The following SIPA1L1 variants were observed in gnomAD, a reference collection of about 807,000 sequenced individuals.
The protein encoded by SIPA1L1 is signal induced proliferation associated 1 like 1.
A neutral mutation model predicts 162.7 loss-of-function variants in SIPA1L1; 26 were observed. The observed-to-expected ratio is 0.16, with a 90% CI of 0.12 to 0.22. SIPA1L1 has a LOEUF of 0.22. Among genes scored for constraint, SIPA1L1 ranks in the 10% least tolerant of loss-of-function variants. The pLI, the probability that SIPA1L1 is intolerant of heterozygous loss-of-function variation, is 1.00. For missense variants in SIPA1L1, 1,874 were observed against 2,241.0 expected, an observed-to-expected ratio of 0.84 and a Z score of 3.31; for synonymous variants, 829 against 837.4, an observed-to-expected ratio of 0.99 and a Z score of 0.17.
chr14:71,735,580 G>A (rs921288630), intron 22 of SIPA1L1, 189 bp downstream of exon 22: 15 of 514,824 alleles, frequency 2.9e-5, no homozygotes, highest in African/African-American at 2.9e-4. Context: ...AACTATTCTT[G>A]ATGACTTATA....
At chr14:71,441,678 C>T (rs138616956) in intron 2 of SIPA1L1, among the ~76,000 whole-genome samples, 7 of 152,174 alleles carry the variant, frequency 4.6e-5, no homozygotes, top group Non-Finnish European at 1.0e-4. Flanking sequence ...GGATAAATCT[C>T]GGGTAATTGT....
intron 2 of SIPA1L1, among the ~76,000 whole-genome samples, chr14:71,324,912 C>T (rs750658302): frequency 2.6e-5 from 4 of 152,022 alleles, no homozygotes; most frequent in Non-Finnish European, 5.9e-5. Flanking sequence ...AAAACAGGAA[C>T]GTGTAGGAGC....
chr14:71,393,142 A>G (rs1301589756), intron 2 of SIPA1L1, among the ~76,000 whole-genome samples: 5 of 152,198 alleles, frequency 3.3e-5, no homozygotes, highest in African/African-American at 7.2e-5. Context: ...TAGGATATCG[A>G]TATATGGAGG....
chr14:71,469,367 G>GT (rs2047270443), intron 2 of SIPA1L1, among the ~76,000 whole-genome samples: 1 of 152,192 alleles, frequency 6.6e-6, no homozygotes, highest in South Asian at 2.1e-4. Context: ...GGGCAACACT[G>GT]TTTTCCTTGC....
rs1217427539 is a variant in SIPA1L1, at chr14:71,440,243, TCTTGAA to T, written c.-464-72497_-464-72492del. Among the ~76,000 whole-genome samples the T allele has an allele frequency of 2.0e-5, 3 of 152,024 alleles. No homozygotes were observed. In the East Asian group the frequency reaches 5.8e-4, roughly 29 times the overall value. ...GGTTTCACCATGTTGCCCAGGCTGG[TCTTGAA>T]CTCCTGAGCTCAGGCAGTCTGCCTG... is the stretch of plus-strand genomic sequence containing the variant. On this transcript the variant is annotated intron_variant, in intron 2 of 23. Transcript: ENST00000381232.
At chr14:71,326,135 C>G (rs1480499482) in intron 2 of SIPA1L1, among the ~76,000 whole-genome samples, 1 of 151,644 alleles carries the variant, frequency 6.6e-6, no homozygotes, top group Non-Finnish European at 1.5e-5. Flanking sequence ...TCTCTTTCTA[C>G]TTTTTCCACA....
At chr14:71,632,747 G>A (rs1567355787) in intron 7 of SIPA1L1, among the ~76,000 whole-genome samples, 1 of 152,194 alleles carries the variant, frequency 6.6e-6, no homozygotes, top group Non-Finnish European at 1.5e-5. Flanking sequence ...AGACTCAGCA[G>A]GGAGCTGGAA....
chr14:71,609,741 A>G (rs185192290), intron 5 of SIPA1L1, among the ~76,000 whole-genome samples: 3 of 152,206 alleles, frequency 2.0e-5, no homozygotes, highest in Non-Finnish European at 4.4e-5. Context: ...TGTTCGGATT[A>G]CAGGCATGAG....
At chr14:71,427,565 G>C (rs559859936) in intron 2 of SIPA1L1, among the ~76,000 whole-genome samples, 1 of 152,246 alleles carries the variant, frequency 6.6e-6, no homozygotes, top group African/African-American at 2.4e-5. Flanking sequence ...TGCTTAGCTT[G>C]ATGGTGTCCC....
intron 7 of SIPA1L1, among the ~76,000 whole-genome samples, chr14:71,645,689 G>A (rs907720073): frequency 6.6e-6 from 1 of 152,196 alleles, no homozygotes; most frequent in African/African-American, 2.4e-5. Context: ...TGCTGGTATA[G>A]TTTGGAGCCA....
intron 2 of SIPA1L1, among the ~76,000 whole-genome samples, chr14:71,347,943 C>A (rs1424828048): frequency 2.0e-5 from 3 of 151,974 alleles, no homozygotes; most frequent in Non-Finnish European, 4.4e-5. Flanking sequence ...TCTTTCTATT[C>A]AGGAGGCCAG....
intron 2 of SIPA1L1, among the ~76,000 whole-genome samples, chr14:71,339,618 C>A (rs183086504): frequency 6.6e-6 from 1 of 152,278 alleles, no homozygotes; most frequent in African/African-American, 2.4e-5. Context: ...CCTGCCTCAG[C>A]CTGTAAAAGT....
intron 5 of SIPA1L1, among the ~76,000 whole-genome samples, chr14:71,602,871 A>G (rs1338104455): frequency 6.6e-6 from 1 of 152,232 alleles, no homozygotes; most frequent in African/African-American, 2.4e-5. Flanking sequence ...CCTCCTTATT[A>G]GAATCTAATG....
At chr14:71,532,665 C>G (rs149659289) in intron 4 of SIPA1L1, among the ~76,000 whole-genome samples, 8 of 152,152 alleles carry the variant, frequency 5.3e-5, no homozygotes, top group Admixed American at 3.3e-4. Context: ...TTTTGTACTC[C>G]TCTGTAATTG....
chr14:71,461,460 C>T (rs1193747823), intron 2 of SIPA1L1, among the ~76,000 whole-genome samples: 2 of 152,134 alleles, frequency 1.3e-5, no homozygotes, highest in Admixed American at 1.3e-4. Context: ...TGGGTCATTC[C>T]ATTCACTTGA....
At position 71,709,209 on chromosome 14, in the gene SIPA1L1, G is replaced by T; in HGVS notation, c.3766-13G>T. ...AAAACTTTGCACTCAAATAAATTCT[G>T]CTTCTCTTGCAGTCTGATAGCCACT... is the stretch of plus-strand genomic sequence containing the variant. On this transcript the variant is annotated splice_polypyrimidine_tract_variant and intron_variant, in intron 16 of 23. Transcript: ENST00000381232. 1.9e-6 allele frequency: 3 copies of T among 1,593,474 alleles called. No individual in the cohort carries two copies. Among genetic ancestry groups the T allele is most frequent in the Non-Finnish European group, 1.7e-6 (2 of 1,168,232 alleles).
At chr14:71,440,081 A>C (rs1320603560) in intron 2 of SIPA1L1, among the ~76,000 whole-genome samples, 1 of 152,138 alleles carries the variant, frequency 6.6e-6, no homozygotes, top group Non-Finnish European at 1.5e-5. Context: ...CCTAAGCTGG[A>C]GTGGCGCCAT....
intron 2 of SIPA1L1, among the ~76,000 whole-genome samples, chr14:71,507,985 A>G (rs1222218368): frequency 1.3e-5 from 2 of 152,182 alleles, no homozygotes; most frequent in African/African-American, 2.4e-5. Flanking sequence ...TAAGAAAAAA[A>G]GAGGGCAAGT....
intron 2 of SIPA1L1, among the ~76,000 whole-genome samples, chr14:71,501,889 T>C (rs1449496231): frequency 1.3e-5 from 2 of 151,458 alleles, no homozygotes; most frequent in African/African-American, 2.4e-5. Context: ...AAATAAATAA[T>C]ACAAAAATTA....
Sources: gnomAD v4.1 joint callset for allele counts (sites outside exome capture counted in the v4.1 genomes callset) on GRCh38, gnomAD v4.1.1 for gene constraint, MANE v1.5 for transcripts, NCBI Gene and HGNC (gene_info 2026-07-23, HGNC 2026-07-21) for gene names.